Variants in PRRC2B observed in about 807,000 individuals in gnomAD.
PRRC2B encodes the protein proline rich coiled-coil 2B, also known as protein PRRC2B.
PRRC2B carries 68 observed loss-of-function variants against 242.3 expected under a neutral mutation model. The ratio of observed to expected loss-of-function variants is 0.28; its 90% CI spans 0.23 to 0.34. The LOEUF is 0.34. PRRC2B is among the 10% of genes least tolerant of loss of function. The probability of loss-of-function intolerance (pLI) is 1.00; values close to 1 mark genes in which losing one functional copy is unlikely to be tolerated. For synonymous variants in PRRC2B, 1,228 were observed against 1,173.6 expected, an observed-to-expected ratio of 1.05 and a Z score of -0.95; for missense variants, 2,835 against 2,954.8, an observed-to-expected ratio of 0.96 and a Z score of 0.94.
intron 13 of PRRC2B, among the ~76,000 whole-genome samples, chr9:131,468,290 G>A (rs1158264126): frequency 6.6e-6 from 1 of 152,148 alleles, no homozygotes; most frequent in Non-Finnish European, 1.5e-5. Flanking sequence ...AACTAGTTGT[G>A]CATGGCCTTG....
At chr9:131,478,358 G>T in intron 17 of PRRC2B, 116 bp from the exon 18 acceptor site, 1 of 1,016,624 alleles carries the variant, frequency 9.8e-7, no homozygotes, top group Non-Finnish European at 1.5e-6. Flanking sequence ...AAGTGCGGAA[G>T]TCCTGTCCAG....
chr9:131,447,330 A>C, intron 8 of PRRC2B, 124 bp downstream of exon 8: 4 of 1,244,438 alleles, frequency 3.2e-6, no homozygotes, highest in Non-Finnish European at 4.4e-6. Context: ...TAACCAGCTC[A>C]GCGTGGCAGG....
chr9:131,412,044 C>G (rs576767432), intron 1 of PRRC2B, among the ~76,000 whole-genome samples: 17 of 151,906 alleles, frequency 1.1e-4, no homozygotes, highest in Non-Finnish European at 2.1e-4. Flanking sequence ...TCACCTCAAG[C>G]GATCCTCTCA....
intron 3 of PRRC2B, among the ~76,000 whole-genome samples, chr9:131,436,346 T>C (rs1838369737): frequency 6.6e-6 from 1 of 152,130 alleles, no homozygotes; most frequent in Admixed American, 6.6e-5. Context: ...GCCTGGGTGA[T>C]AGAGTGAGAC....
At chr9:131,380,739 A>G (rs1426833943) in intron 1 of PRRC2B, among the ~76,000 whole-genome samples, 6 of 149,058 alleles carry the variant, frequency 4.0e-5, no homozygotes, top group East Asian at 2.0e-4. Flanking sequence ...TTAGCTGGGC[A>G]TGGTAGCAGG....
rs368174453 is a variant in PRRC2B, at chr9:131,487,158, C to T, written c.5857-9C>T. ...GGTTACCTCCCCGACCCCGTTTTCC[C>T]GTTCACAGGCCGCCGCTGCCCAGCA... On this transcript the variant is annotated splice_polypyrimidine_tract_variant and intron_variant, in intron 26 of 31. Coordinates refer to ENST00000683519, the MANE Select transcript of PRRC2B (RefSeq NM_013318.4). The surrounding 1 kb of genome is among the most constrained non-coding windows in gnomAD (Gnocchi z 5.3). 6.4e-5 allele frequency: 104 copies of T among 1,612,998 alleles called. No individual in the cohort carries two copies. Among genetic ancestry groups the T allele is most frequent in the Non-Finnish European group, 7.9e-5 (93 of 1,179,604 alleles).
chr9:131,430,550 G>GGTGTGT (rs759350366), intron 2 of PRRC2B, among the ~76,000 whole-genome samples: 97 of 82,718 alleles, frequency 1.2e-3, no homozygotes, highest in African/African-American at 2.5e-3. Flanking sequence ...GATATCTATA[G>GGTGTGT]GTGTGTGTGT....
intron 10 of PRRC2B, among the ~76,000 whole-genome samples, chr9:131,456,852 T>C (rs1260941109): frequency 6.6e-6 from 1 of 152,206 alleles, no homozygotes; most frequent in Non-Finnish European, 1.5e-5. Context: ...ATAATTTGTA[T>C]TTTTTGAGTA....
At chr9:131,474,087 C>A (rs1943618703) in intron 15 of PRRC2B, among the ~76,000 whole-genome samples, 1 of 152,274 alleles carries the variant, frequency 6.6e-6, no homozygotes. Flanking sequence ...GCCCCAGACT[C>A]TTCACGGCCT....
chr9:131,414,651 A>G lies in PRRC2B; in HGVS notation c.-51-15443A>G, dbSNP rs183864095. Among the ~76,000 whole-genome samples the G allele has an allele frequency of 2.7e-4, 41 of 150,304 alleles. No homozygotes were observed. The East Asian group carries it at 8.0e-3, about 29-fold the overall frequency. On this transcript the variant is annotated intron_variant, in intron 1 of 31. Coordinates refer to ENST00000683519, the MANE Select transcript of PRRC2B (RefSeq NM_013318.4). ...AGTGGCCTGATCTTGGCTCACTGCA[A>G]CCTCTACCTCCCGGGTTCAAGTGAT...
At chr9:131,400,216 T>C (rs1176332216) in intron 1 of PRRC2B, among the ~76,000 whole-genome samples, 1 of 152,172 alleles carries the variant, frequency 6.6e-6, no homozygotes, top group African/African-American at 2.4e-5. Context: ...CCCAAGTAGC[T>C]GGGATCCTAT....
intron 1 of PRRC2B, among the ~76,000 whole-genome samples, chr9:131,427,663 T>A (rs978633852): frequency 9.2e-5 from 14 of 151,994 alleles, no homozygotes; most frequent in Non-Finnish European, 1.5e-5. Flanking sequence ...AAATCATCCT[T>A]TGGGGTACAG....
At chr9:131,401,729 C>T (rs1261274684) in intron 1 of PRRC2B, among the ~76,000 whole-genome samples, 2 of 151,710 alleles carry the variant, frequency 1.3e-5, no homozygotes, top group South Asian at 2.1e-4. Flanking sequence ...GGCGCGATCT[C>T]GGCTCACTGC....
At chr9:131,383,560 C>G (rs540621) in intron 1 of PRRC2B, among the ~76,000 whole-genome samples, 108,482 of 150,320 alleles carry the variant, frequency 0.72, 39,214 homozygotes, top group South Asian at 0.87. Context: ...AGTCTTTATT[C>G]TTGTAGGGTT....
At position 131,416,499 on chromosome 9, in the gene PRRC2B, C is replaced by G. The variant is rs556235440; in HGVS notation, c.-51-13595C>G. ...CCCATATAGCCTACTCCCAGTTTGC[C>G]CCCATTAAACACATCTTATGTTAGT... On this transcript the variant is annotated intron_variant, in intron 1 of 31. Coordinates refer to ENST00000683519, the MANE Select transcript of PRRC2B (RefSeq NM_013318.4). 2.0e-5 allele frequency among the ~76,000 whole-genome samples: 3 copies of G among 152,262 alleles called. No homozygotes were observed. The South Asian group carries it at 6.2e-4, about 31-fold the overall frequency.
intron 5 of PRRC2B, among the ~76,000 whole-genome samples, chr9:131,443,170 G>T (rs1838666904): frequency 6.7e-6 from 1 of 148,314 alleles, no homozygotes; most frequent in African/African-American, 2.5e-5. Context: ...ATCTCGCTCT[G>T]TTGCCCAGGC....
At chr9:131,465,327 G>T (rs956021478) in intron 12 of PRRC2B, among the ~76,000 whole-genome samples, 20 of 152,242 alleles carry the variant, frequency 1.3e-4, no homozygotes, top group African/African-American at 4.8e-4. Context: ...GCTGAGATTT[G>T]GGGTATGAAT....
chr9:131,381,623 G>T (rs905740629), intron 1 of PRRC2B, among the ~76,000 whole-genome samples: 1 of 152,068 alleles, frequency 6.6e-6, no homozygotes, highest in Non-Finnish European at 1.5e-5. Flanking sequence ...GTTTCACCGT[G>T]TTAGCCAGGA....
At chr9:131,460,099 G>A (rs1943200821) in intron 11 of PRRC2B, among the ~76,000 whole-genome samples, 1 of 151,848 alleles carries the variant, frequency 6.6e-6, no homozygotes, top group Admixed American at 6.6e-5. Context: ...AACCTGATGA[G>A]ACTCTTTACA....
Sources: allele counts gnomAD v4.1 joint callset (sites outside exome capture counted in the v4.1 genomes callset), GRCh38; gene constraint gnomAD v4.1.1; non-coding constraint Gnocchi (gnomAD v3.1); transcripts MANE v1.5; gene names NCBI Gene and HGNC (gene_info 2026-07-23, HGNC 2026-07-21).